Variants in PHF24 observed in about 807,000 individuals in gnomAD.
The protein encoded by PHF24 is Galpha inhibitory interacting protein.
Under a neutral mutation model 42.6 loss-of-function variants are expected in PHF24, and 25 were observed. The ratio of observed to expected loss-of-function variants is 0.59; its 90% CI spans 0.43 to 0.82. The LOEUF (loss-of-function observed/expected upper bound fraction) is 0.82. PHF24 is among the 40% of genes least tolerant of loss of function. The pLI is 0.00. For synonymous variants in PHF24, 185 were observed against 204.8 expected, an observed-to-expected ratio of 0.90 and a Z score of 0.83; for missense variants, 470 against 538.1, an observed-to-expected ratio of 0.87 and a Z score of 1.25.
the PHF24 span, among the ~76,000 whole-genome samples, chr9:34,915,726 A>G: frequency 1.3e-4 from 20 of 152,242 alleles, no homozygotes; most frequent in African/African-American, 4.6e-4. Context: ...TTCTTTGACA[A>G]ACAGAATTGT....
intron 1 of PHF24, among the ~76,000 whole-genome samples, chr9:34,964,053 C>T (rs74423747): frequency 0.048 from 7,248 of 152,304 alleles, 337 homozygotes; most frequent in Admixed American, 0.14. Context: ...AATTCACATG[C>T]TCTGTGGAAG....
At chr9:34,721,237 T>A in the PHF24 span, among the ~76,000 whole-genome samples, 1 of 152,302 alleles carries the variant, frequency 6.6e-6, no homozygotes. Context: ...AATTTATCCA[T>A]CTCCACTGGA....
At chr9:34,982,542 C>CTCTG (rs1303484704) in exon 8 of PHF24, 1 of 152,222 alleles carries the variant, frequency 6.6e-6, no homozygotes, top group African/African-American at 2.4e-5. Context: ...GATTGCGATG[C>CTCTG]TCTGTCGGCT....
the PHF24 span, among the ~76,000 whole-genome samples, chr9:34,913,039 A>G: frequency 6.6e-6 from 1 of 152,198 alleles, no homozygotes; most frequent in Non-Finnish European, 1.5e-5. Flanking sequence ...GAAATACAGT[A>G]TCTGAAATAA....
At chr9:34,936,399 G>T in the PHF24 span, among the ~76,000 whole-genome samples, 1 of 152,228 alleles carries the variant, frequency 6.6e-6, no homozygotes, top group South Asian at 2.1e-4. Context: ...GGAATGCAGT[G>T]GCGTGATCTC....
chr9:34,921,658 A>G, the PHF24 span, among the ~76,000 whole-genome samples: 1 of 152,232 alleles, frequency 6.6e-6, no homozygotes, highest in Non-Finnish European at 1.5e-5. Context: ...TTCTGCAGCT[A>G]TAGTCAAGGG....
chr9:34,905,926 C>A, the PHF24 span, among the ~76,000 whole-genome samples: 1 of 152,110 alleles, frequency 6.6e-6, no homozygotes, highest in East Asian at 1.9e-4. Flanking sequence ...TGGACATGAA[C>A]TGTGGAGATG....
chr9:34,689,036 A>G, the PHF24 span, among the ~76,000 whole-genome samples: 9 of 152,176 alleles, frequency 5.9e-5, no homozygotes, highest in Non-Finnish European at 1.3e-4. The surrounding 1 kb of genome is among the most constrained non-coding windows in gnomAD (Gnocchi z 4.1). Context: ...CTGGACCCAG[A>G]TGGGAAGCCA....
At chr9:34,943,534 A>G in the PHF24 span, among the ~76,000 whole-genome samples, 2 of 152,142 alleles carry the variant, frequency 1.3e-5, no homozygotes, top group Non-Finnish European at 2.9e-5. Flanking sequence ...TTGGGCCTCT[A>G]AGTATCAATA....
chr9:34,673,073 A>C, the PHF24 span, among the ~76,000 whole-genome samples: 1 of 152,216 alleles, frequency 6.6e-6, no homozygotes, highest in Non-Finnish European at 1.5e-5. Context: ...CAAAAAGATT[A>C]GTCAGAGCAT....
At chr9:34,680,454 C>T in the PHF24 span, among the ~76,000 whole-genome samples, 21 of 151,278 alleles carry the variant, frequency 1.4e-4, no homozygotes, top group African/African-American at 4.9e-4. Context: ...TTTGGGAGGC[C>T]GAGGCGGGTG....
chr9:34,839,307 T>C, the PHF24 span, among the ~76,000 whole-genome samples: 1 of 152,210 alleles, frequency 6.6e-6, no homozygotes, highest in Non-Finnish European at 1.5e-5. Flanking sequence ...GCAAACTGGT[T>C]GCTGCTTGTG....
At chr9:34,852,129 C>A in the PHF24 span, among the ~76,000 whole-genome samples, 1 of 152,156 alleles carries the variant, frequency 6.6e-6, no homozygotes. Context: ...CTATAATGAT[C>A]CACTTCCACT....
the PHF24 span, among the ~76,000 whole-genome samples, chr9:34,779,673 T>C: frequency 6.6e-6 from 1 of 152,176 alleles, no homozygotes; most frequent in Non-Finnish European, 1.5e-5. Flanking sequence ...TATAGACAAA[T>C]GGGAGAGAAT....
chr9:34,889,347 T>A, the PHF24 span: 1 of 398,626 alleles, frequency 2.5e-6, no homozygotes, highest in African/African-American at 2.1e-5. Context: ...GAAGGGAGTG[T>A]TGCTAGAGCA....
chr9:34,871,657 A>T, the PHF24 span, among the ~76,000 whole-genome samples: 1 of 152,078 alleles, frequency 6.6e-6, no homozygotes, highest in Admixed American at 6.6e-5. Flanking sequence ...TTGCATATTG[A>T]TGTTCAGTTG....
chr9:34,742,162 A>C, the PHF24 span, among the ~76,000 whole-genome samples: 1 of 152,236 alleles, frequency 6.6e-6, no homozygotes, highest in African/African-American at 2.4e-5. Context: ...ATTTTGTGAA[A>C]TATCAGCAAG....
the PHF24 span, among the ~76,000 whole-genome samples, chr9:34,786,651 C>T: frequency 9.4e-3 from 1,436 of 152,268 alleles, 25 homozygotes; most frequent in African/African-American, 0.033. Context: ...AACATTTCCA[C>T]ATATAAATAG....
At chr9:34,710,803 C>G in the PHF24 span, among the ~76,000 whole-genome samples, 1 of 151,924 alleles carries the variant, frequency 6.6e-6, no homozygotes, top group South Asian at 2.1e-4. Context: ...TTTATTTTTT[C>G]TAGAGATGAG....
Sources: gnomAD v4.1 joint callset for allele counts (sites outside exome capture counted in the v4.1 genomes callset) on GRCh38, gnomAD v4.1.1 for gene constraint, Gnocchi (gnomAD v3.1) non-coding constraint, MANE v1.5 for transcripts, NCBI Gene and HGNC (gene_info 2026-07-23, HGNC 2026-07-21) for gene names.